ATXN10: variants seen among roughly 807,000 people sequenced by gnomAD.
ATXN10 encodes the protein ataxin 10.
A neutral mutation model predicts 52.9 loss-of-function variants in ATXN10; 28 were observed. The ratio of observed to expected loss-of-function variants is 0.53; its 90% CI spans 0.39 to 0.73. The LOEUF (loss-of-function observed/expected upper bound fraction) is 0.73, where lower values mean the gene tolerates loss of function less well. Among genes scored for constraint, ATXN10 ranks in the 30% least tolerant of loss-of-function variants. The pLI is 0.00. For missense variants in ATXN10, 565 were observed against 577.0 expected, an observed-to-expected ratio of 0.98 and a Z score of 0.21; for synonymous variants, 226 against 221.5, an observed-to-expected ratio of 1.02 and a Z score of -0.18.
In ATXN10 at chr22:45,715,446, G is replaced by C. The variant is rs1164823081; in HGVS notation, c.648-2967G>C. On this transcript the variant is annotated intron_variant, in intron 5 of 11. Transcript: ENST00000252934. This position sits in a 1 kb window ranked among gnomAD's most constrained non-coding sequence, Gnocchi z 4.4. ...TGGATCAAGTTTGTCCAACCTGCAG[G>C]CCGCATGCAGCCCAGGATGGCTTTG... 6.6e-6 allele frequency among the ~76,000 whole-genome samples: 1 copy of C among 152,162 alleles called. No individual in the cohort carries two copies. Among genetic ancestry groups the C allele is most frequent in the Non-Finnish European group, 1.5e-5 (1 of 68,040 alleles).
rs1293679239 is a variant in ATXN10 at position 45,837,037 on chromosome 22, C to A, written c.1238-5954C>A. ...TTGGAAAGCCCTGCAGCACACAAAT[C>A]CCTTGCCTTCATGGGTTTGTTATCT... On this transcript the variant is annotated intron_variant, in intron 10 of 11. Transcript: ENST00000252934. This position sits in a 1 kb window ranked among gnomAD's most constrained non-coding sequence, Gnocchi z 5.8. 1.3e-5 allele frequency among the ~76,000 whole-genome samples: 2 copies of A among 152,152 alleles called. No individual in the cohort carries two copies. The highest frequency in any genetic ancestry group is 4.8e-5 in the African/African-American group (2 of 41,430).
intron 9 of ATXN10, among the ~76,000 whole-genome samples, chr22:45,747,221 G>T (rs1342479737): frequency 1.3e-5 from 2 of 152,128 alleles, no homozygotes; most frequent in East Asian, 1.9e-4. Flanking sequence ...TGTCTGGGGG[G>T]CCGGGTGCAG....
At position 45,671,981 on chromosome 22, in the gene ATXN10, C is replaced by A; in HGVS notation, c.-83C>A. The A allele has an allele frequency of 6.9e-7, 1 of 1,457,794 alleles. No individual in the cohort carries two copies. Among genetic ancestry groups the A allele is most frequent in the Non-Finnish European group, 9.2e-7 (1 of 1,082,484 alleles). 90.3% of individuals were successfully genotyped at this position (1,457,794 alleles called of 1,614,324 possible). On this transcript the variant is annotated 5_prime_UTR_variant, in exon 1 of 12. Coordinates refer to ENST00000252934, the MANE Select transcript of ATXN10 (RefSeq NM_013236.4). ...CTCCCCCTTCCTCCTCGCCATCCTA[C>A]TCCTCCCTCCTCGTCATCCTCCCCC...
intron 9 of ATXN10, among the ~76,000 whole-genome samples, chr22:45,801,400 G>C (rs527886100): frequency 3.3e-5 from 5 of 152,304 alleles, no homozygotes; most frequent in Admixed American, 2.0e-4. Context: ...ACTTCTGCTT[G>C]AGTCACACCA....
intron 8 of ATXN10, among the ~76,000 whole-genome samples, chr22:45,739,056 G>A (rs1261698966): frequency 6.6e-6 from 1 of 152,204 alleles, no homozygotes; most frequent in African/African-American, 2.4e-5. Flanking sequence ...GTTAACTGAA[G>A]ATTCCTTCTC....
rs1437455139 is a variant in ATXN10, at chr22:45,705,714, G to A, written c.647+2867G>A. 1.3e-5 allele frequency among the ~76,000 whole-genome samples: 2 copies of A among 152,126 alleles called. No individual in the cohort carries two copies. The highest frequency in any genetic ancestry group is 1.9e-4 in the East Asian group (1 of 5,200). ...CTCCCAAAGTGCTGGGATTACAGGCGTGAGCCACCGCGCCCGGCCTCCACT... is the reference window on the plus strand; with the variant it reads ...CTCCCAAAGTGCTGGGATTACAGGCATGAGCCACCGCGCCCGGCCTCCACT... On this transcript the variant is annotated intron_variant, in intron 5 of 11. Transcript: ENST00000252934. The surrounding 1 kb of genome is among the most constrained non-coding windows in gnomAD (Gnocchi z 5.2).
In ATXN10 at chr22:45,775,780, G is replaced by A. The variant is rs756291642; in HGVS notation, c.1174-31179G>A. On this transcript the variant is annotated intron_variant, in intron 9 of 11. Coordinates refer to ENST00000252934, the MANE Select transcript of ATXN10 (RefSeq NM_013236.4). The surrounding 1 kb of genome is among the most constrained non-coding windows in gnomAD (Gnocchi z 4.7). The stretch of plus-strand genomic sequence containing the variant: ...GCCTCATGTCATGACCTGGGTCTCC[G>A]ATTTATTTAGCACGGTAGCACCAAT... Among the ~76,000 whole-genome samples, 7 of 152,138 alleles carry A rather than the reference G, an allele frequency of 4.6e-5. No individual in the cohort carries two copies. The highest frequency in any genetic ancestry group is 2.1e-4 in the South Asian group (1 of 4,810).
rs1000480925 is a variant in ATXN10, at chr22:45,754,586, C to T, written c.1173+14048C>T. Among the ~76,000 whole-genome samples the T allele has an allele frequency of 6.6e-6, 1 of 152,172 alleles. No homozygotes were observed. The highest frequency in any genetic ancestry group is 1.5e-5 in the Non-Finnish European group (1 of 68,038). On this transcript the variant is annotated intron_variant, in intron 9 of 11. Coordinates refer to ENST00000252934, the MANE Select transcript of ATXN10 (RefSeq NM_013236.4). This position sits in a 1 kb window ranked among gnomAD's most constrained non-coding sequence, Gnocchi z 5.4. ...GGTGGGAGTGCTGTCTCAGTAGTCC[C>T]GCAAGCCTGTAATCCCAGCACTTTG...
rs1469297756 is a variant in ATXN10, at chr22:45,762,691, A to G, written c.1173+22153A>G. On this transcript the variant is annotated intron_variant, in intron 9 of 11. Transcript: ENST00000252934. The surrounding 1 kb of genome is among the most constrained non-coding windows in gnomAD (Gnocchi z 4.3). ...CTCAGGGACTGCCTCCTGGTCCCCC[A>G]GAGGCCACCTCACTCTTACTCCTGT... 6.6e-6 allele frequency among the ~76,000 whole-genome samples: 1 copy of G among 152,170 alleles called. No homozygotes were observed. The highest frequency in any genetic ancestry group is 2.4e-5 in the African/African-American group (1 of 41,446).
intron 9 of ATXN10, among the ~76,000 whole-genome samples, chr22:45,794,145 G>C (rs189671774): frequency 6.6e-6 from 1 of 152,102 alleles, no homozygotes; most frequent in African/African-American, 2.4e-5. Context: ...CATATTGGTG[G>C]GTATGTCTTA....
chr22:45,738,028 G>A (rs561713503), intron 7 of ATXN10, among the ~76,000 whole-genome samples: 182 of 152,162 alleles, frequency 1.2e-3, no homozygotes, highest in African/African-American at 4.0e-3. Flanking sequence ...CAAATGATGG[G>A]TACTTTAAAA....
At chr22:45,749,845 T>C (rs1601622624) in intron 9 of ATXN10, among the ~76,000 whole-genome samples, 1 of 152,030 alleles carries the variant, frequency 6.6e-6, no homozygotes, top group Admixed American at 6.5e-5. Flanking sequence ...GGATTACAGG[T>C]TTGAGTCACC....
At chr22:45,722,699 C>T (rs375402634) in intron 6 of ATXN10, among the ~76,000 whole-genome samples, 213 of 152,108 alleles carry the variant, frequency 1.4e-3, no homozygotes, top group African/African-American at 4.6e-3. Flanking sequence ...TCTCCCTGCA[C>T]CTCATCCGCT....
intron 3 of ATXN10, among the ~76,000 whole-genome samples, chr22:45,699,403 G>T (rs1923745660): frequency 6.6e-6 from 1 of 150,534 alleles, no homozygotes; most frequent in African/African-American, 2.4e-5. Flanking sequence ...TATACTGTTG[G>T]CTTTTTGCAT....
At position 45,790,780 on chromosome 22, in the gene ATXN10, C is replaced by A. The variant is rs1487799512; in HGVS notation, c.1174-16179C>A. ...ACTGTAAGTGTGTTAGAACACAGTG[C>A]GTTTTCATTCCTCTTTATATCTTTT... is the stretch of plus-strand genomic sequence containing the variant. On this transcript the variant is annotated intron_variant, in intron 9 of 11. Transcript: ENST00000252934. The surrounding 1 kb of genome is among the most constrained non-coding windows in gnomAD (Gnocchi z 4.7). Among the ~76,000 whole-genome samples, 1 of 152,208 alleles carries A rather than the reference C, an allele frequency of 6.6e-6. No homozygotes were observed. The highest frequency in any genetic ancestry group is 2.4e-5 in the African/African-American group (1 of 41,450).
At chr22:45,675,965 CT>C (rs1922671487) in intron 1 of ATXN10, 1 of 151,922 alleles carries the variant, frequency 6.6e-6, no homozygotes, top group Non-Finnish European at 1.5e-5. Context: ...TTGTTTTATA[CT>C]TTTTGTTTAA....
At chr22:45,800,772 C>T (rs1444667899) in intron 9 of ATXN10, among the ~76,000 whole-genome samples, 2 of 152,170 alleles carry the variant, frequency 1.3e-5, no homozygotes, top group Admixed American at 1.3e-4. Flanking sequence ...ATACATGTAA[C>T]AACGTGGATG....
chr22:45,702,759 C>T lies in ATXN10; in HGVS notation c.559C>T (p.His187Tyr). 2 of 1,613,972 alleles carry T rather than the reference C, an allele frequency of 1.2e-6. No homozygotes were observed. The highest frequency in any genetic ancestry group is 4.5e-5 in the East Asian group (2 of 44,836). Residue 187 changes from histidine to tyrosine, a missense_variant, in exon 5 of 12, where the codon CAT becomes TAT. His to Tyr is a moderately conservative substitution (Grantham distance 83). Transcript: ENST00000252934. ...AATGATTTTGTTTACATCCCTTAAT[C>T]ATGAAAGAATGAAAGAACTGGAGGA... Reference protein sequence around the residue: ...SSMILFTSLNHERMKELEENL... With the variant: ...SSMILFTSLNYERMKELEENL...
rs1601677278 is a variant in ATXN10, at chr22:45,835,262, T to C, written c.1238-7729T>C. 6.6e-6 allele frequency among the ~76,000 whole-genome samples: 1 copy of C among 152,154 alleles called. No homozygotes were observed. Among genetic ancestry groups the C allele is most frequent in the Non-Finnish European group, 1.5e-5 (1 of 68,012 alleles). On this transcript the variant is annotated intron_variant, in intron 10 of 11. Coordinates refer to ENST00000252934, the MANE Select transcript of ATXN10 (RefSeq NM_013236.4). The surrounding 1 kb of genome is among the most constrained non-coding windows in gnomAD (Gnocchi z 5.0). ...CCTGGCGTGGGCTCATGGGTCCTGC[T>C]TTGCCTGGCGCGGGCGCTTGAGCTT...
Sources: gnomAD v4.1 joint callset for allele counts (sites outside exome capture counted in the v4.1 genomes callset) on GRCh38, gnomAD v4.1.1 for gene constraint, Gnocchi (gnomAD v3.1) non-coding constraint, MANE v1.5 for transcripts, NCBI Gene and HGNC (gene_info 2026-07-23, HGNC 2026-07-21) for gene names.